PPP1R12C: variants seen among roughly 807,000 people sequenced by gnomAD.
PPP1R12C encodes the protein protein phosphatase 1 regulatory subunit 12C, also known as leukocyte receptor cluster (LRC) encoded novel gene 3.
In PPP1R12C, 48 loss-of-function variants were observed where a neutral mutation model predicts 95.6. The observed-to-expected ratio is 0.50, with a 90% CI of 0.40 to 0.64. The LOEUF is 0.64. Among genes scored for constraint, PPP1R12C ranks in the 30% least tolerant of loss-of-function variants. PPP1R12C has a pLI of 0.00. For missense variants in PPP1R12C, 1,057 were observed against 1,083.3 expected (o/e 0.98, Z 0.34); for synonymous variants, 480 against 460.8 (o/e 1.04, Z -0.53).
rs1348833301 is a variant in PPP1R12C at position 55,113,055 on chromosome 19, GA to G, written c.322-261del. The stretch of plus-strand genomic sequence containing the variant: ...GCAAACAGGAAGTGAACGGGGAAGG[GA>G]GGGGGCTTCTCATCTGGGTGCGGGA... On this transcript the variant is annotated intron_variant, in intron 1 of 21. Coordinates refer to ENST00000263433, the MANE Select transcript of PPP1R12C (RefSeq NM_017607.4). The G allele has an allele frequency of 6.9e-6, 4 of 575,930 alleles. No individual in the cohort carries two copies. In the East Asian group the frequency reaches 8.5e-5, roughly 12 times the overall value. 35.7% of individuals were successfully genotyped at this position (575,930 alleles called of 1,614,324 possible). A position where few individuals can be genotyped will look rare whatever the true frequency, so the allele number is the denominator to read the frequency against.
At chr19:55,099,185 A>G in intron 4 of PPP1R12C, 90 bp from the exon 5 acceptor site, 2 of 1,391,706 alleles carry the variant, frequency 1.4e-6, no homozygotes, top group Non-Finnish European at 1.9e-6. Flanking sequence ...ACGAGGTCCC[A>G]GGCCACGAGA....
At chr19:55,101,473 C>T (rs145950952) in intron 4 of PPP1R12C, among the ~76,000 whole-genome samples, 254 of 152,286 alleles carry the variant, frequency 1.7e-3, no homozygotes, top group African/African-American at 5.9e-3. Flanking sequence ...TTCCTTGCAG[C>T]GAGGAGCGGT....
In PPP1R12C at chr19:55,103,586, A is replaced by G; in HGVS notation, c.572-18T>C. On this transcript the variant is annotated intron_variant, in intron 3 of 21. Coordinates refer to ENST00000263433, the MANE Select transcript of PPP1R12C (RefSeq NM_017607.4). ...ATCCACACCTAGGAGGATAAGAGGC[A>G]CGAGGTAGGACTCACACCCCATGAC... 6.5e-7 allele frequency: 1 copy of G among 1,542,882 alleles called. No homozygotes were observed. The highest frequency in any genetic ancestry group is 8.8e-7 in the Non-Finnish European group (1 of 1,132,992).
chr19:55,104,213 CAT>C lies in PPP1R12C; in HGVS notation c.572-647_572-646del, dbSNP rs57104390. On this transcript the variant is annotated intron_variant, in intron 3 of 21. Coordinates refer to ENST00000263433, the MANE Select transcript of PPP1R12C (RefSeq NM_017607.4). ...ATATATATATATACACACACACACA[CAT>C]ACAAAAATATAAATATAAAAAATAT... is the stretch of plus-strand genomic sequence containing the variant. 2.5e-3 allele frequency among the ~76,000 whole-genome samples: 337 copies of C among 133,236 alleles called. 1 individual carries two copies. The Middle Eastern group carries it at 0.032, about 13-fold the overall frequency. The allele number at this position is 133,236 out of a possible 152,430, so 87.4% of individuals were successfully genotyped here.
At chr19:55,116,862 C>CGAGG (rs1166486455) in intron 1 of PPP1R12C, among the ~76,000 whole-genome samples, 1 of 151,832 alleles carries the variant, frequency 6.6e-6, no homozygotes, top group Non-Finnish European at 1.5e-5. Context: ...GAGGGGAAGT[C>CGAGG]GAGGGAGGGA....
chr19:55,106,905 G>A (rs916710586), intron 3 of PPP1R12C, among the ~76,000 whole-genome samples: 18 of 152,268 alleles, frequency 1.2e-4, no homozygotes, highest in African/African-American at 3.4e-4. Flanking sequence ...TGAGCATCAC[G>A]CACAGGGCAA....
intron 4 of PPP1R12C, among the ~76,000 whole-genome samples, chr19:55,099,693 C>A (rs2147192016): frequency 6.6e-6 from 1 of 152,314 alleles, no homozygotes; most frequent in South Asian, 2.1e-4. Flanking sequence ...AGCAGCCCCA[C>A]AAGGAGAGGG....
At chr19:55,101,581 T>C (rs1051375711) in intron 4 of PPP1R12C, among the ~76,000 whole-genome samples, 3 of 152,284 alleles carry the variant, frequency 2.0e-5, no homozygotes, top group Admixed American at 6.5e-5. Flanking sequence ...CTTTGCCCCC[T>C]CTCTCTTCCT....
chr19:55,103,599 C>T, intron 3 of PPP1R12C, 31 bp from the exon 4 acceptor site: 1 of 1,519,192 alleles, frequency 6.6e-7, no homozygotes, highest in Non-Finnish European at 8.9e-7. Context: ...AGGTAGGACT[C>T]ACACCCCATG....
Position 55,117,357 on chromosome 19 carries a change from C to G in PPP1R12C, c.187G>C (p.Asp63His). The change falls in exon 1 of 22, where the codon GAC becomes CAC. Residue 63 changes from aspartate (D) to histidine (H), a missense_variant. Physicochemically the swap from Asp to His is moderately conservative, Grantham distance 81. This residue lies in a region of PPP1R12C where 282 missense variants were observed against 380.4 expected (regional missense o/e 0.74). Coordinates refer to ENST00000263433, the MANE Select transcript of PPP1R12C (RefSeq NM_017607.4). ...AEFLAACAGG[D>H]LDEARLMLRA... ...AGCATCAGACGCGCCTCGTCCAGGT[C>G]GCCGCCCGCACAGGCCGCCAGGAAC... 3 of 1,127,944 alleles carry G rather than the reference C, an allele frequency of 2.7e-6. No individual in the cohort carries two copies. The highest frequency in any genetic ancestry group is 3.3e-6 in the Non-Finnish European group (3 of 922,454). The allele number at this position is 1,127,944 out of a possible 1,614,324, so 69.9% of individuals were successfully genotyped here.
rs1602964454 is a variant in PPP1R12C at position 55,091,070 on chromosome 19, T to C, written c.*402A>G. Reference sequence around the variant, plus strand: ...GACCCTATATACAGGCCCACCTGGCTGAGGCTGGCGGGACTCTTGGCACAT... The same window carrying C: ...GACCCTATATACAGGCCCACCTGGCCGAGGCTGGCGGGACTCTTGGCACAT... On this transcript the variant is annotated 3_prime_UTR_variant, in exon 22 of 22. Transcript: ENST00000263433. The C allele has an allele frequency of 2.3e-5, 6 of 263,868 alleles. No homozygotes were observed. In the East Asian group the frequency reaches 6.1e-4, roughly 27 times the overall value. The allele number at this position is 263,868 out of a possible 1,614,324, so 16.3% of individuals were successfully genotyped here. A position where few individuals can be genotyped will look rare whatever the true frequency, so the allele number is the denominator to read the frequency against.
Position 55,091,310 on chromosome 19 carries a change from G to C in PPP1R12C, c.*162C>G. 1.3e-6 allele frequency: 1 copy of C among 759,136 alleles called. No individual in the cohort carries two copies. Among genetic ancestry groups the C allele is most frequent in the Non-Finnish European group, 2.1e-6 (1 of 479,992 alleles). The allele number at this position is 759,136 out of a possible 1,614,324, so 47.0% of individuals were successfully genotyped here. On this transcript the variant is annotated 3_prime_UTR_variant, in exon 22 of 22. Coordinates refer to ENST00000263433, the MANE Select transcript of PPP1R12C (RefSeq NM_017607.4). ...CATCCTGGCCTCGGGTGGCCCCCTC[G>C]GCTCCTGGGGACTCTGCTCCCCTCC...
At chr19:55,093,255 C>G (rs1265787083) in intron 13 of PPP1R12C, 22 bp from the exon 14 acceptor site, 1 of 1,607,344 alleles carries the variant, frequency 6.2e-7, no homozygotes, top group East Asian at 2.2e-5. Flanking sequence ...AGGGGACAGT[C>G]AGGGGACGCT....
intron 3 of PPP1R12C, 66 bp downstream of exon 3, chr19:55,112,401 C>G: frequency 6.9e-7 from 1 of 1,446,738 alleles, no homozygotes; most frequent in African/African-American, 1.4e-5. Context: ...GCCTCTAAAG[C>G]TCTCAGCCTG....
chr19:55,109,778 C>T lies in PPP1R12C; in HGVS notation c.571+2689G>A, dbSNP rs756808515. 5.9e-5 allele frequency among the ~76,000 whole-genome samples: 9 copies of T among 152,352 alleles called. No individual in the cohort carries two copies. Among genetic ancestry groups the T allele is most frequent in the Middle Eastern group, 6.8e-3 (2 of 294 alleles). On this transcript the variant is annotated intron_variant, in intron 3 of 21. Transcript: ENST00000263433. This position sits in a 1 kb window ranked among gnomAD's most constrained non-coding sequence, Gnocchi z 4.4. ...GCAGGGGGTGCAAAAGACCCGCCCTCCTTAGAGCTGGGGTGCAGCCTGTGA... is the reference window on the plus strand; with the variant it reads ...GCAGGGGGTGCAAAAGACCCGCCCTTCTTAGAGCTGGGGTGCAGCCTGTGA...
rs1414877984 is a variant in PPP1R12C, at chr19:55,092,447, T to A, written c.2050A>T (p.Arg684Trp). The A allele has an allele frequency of 6.2e-7, 1 of 1,607,700 alleles. No individual in the cohort carries two copies. Among genetic ancestry groups the A allele is most frequent in the East Asian group, 2.2e-5 (1 of 44,594 alleles). ...PESEEPDGGF[R>W]TLYAELRREN... is the part of the protein sequence containing the mutation. ...ACGGAGGGGTGGGATCGCACCGTCC[T>A]AAAGCCTCCGTCTGGCTCTTCCGAT... The change falls in exon 18 of 22, where the codon AGG becomes TGG. Residue 684 changes from arginine to tryptophan, a missense_variant. Coordinates refer to ENST00000263433, the MANE Select transcript of PPP1R12C (RefSeq NM_017607.4).
chr19:55,117,309 C>G lies in PPP1R12C; in HGVS notation c.235G>C (p.Gly79Arg). ...LMLRAADPGP[G>R]AELDPAAPPP... ...GGCGCGGCGGGGTCGAGCTCGGCGCCGGGGCCAGGGTCGGCGGCGCGCAGC... is the reference window on the plus strand; with the variant it reads ...GGCGCGGCGGGGTCGAGCTCGGCGCGGGGGCCAGGGTCGGCGGCGCGCAGC... The change falls in exon 1 of 22, where the codon GGC becomes CGC. Residue 79 changes from glycine to arginine, a missense_variant. This residue lies in a region of PPP1R12C where 282 missense variants were observed against 380.4 expected (regional missense o/e 0.74). Transcript: ENST00000263433. 1 of 1,200,042 alleles carries G rather than the reference C, an allele frequency of 8.3e-7. No homozygotes were observed. Among genetic ancestry groups the G allele is most frequent in the Non-Finnish European group, 1.0e-6 (1 of 968,858 alleles). The allele number at this position is 1,200,042 out of a possible 1,614,324, so 74.3% of individuals were successfully genotyped here.
chr19:55,092,644 C>T lies in PPP1R12C; in HGVS notation c.1930G>A (p.Ala644Thr). Residue 644 changes from alanine to threonine, a missense_variant, in exon 17 of 22, where the codon GCT becomes ACT. Physicochemically the swap from Ala to Thr is moderately conservative, Grantham distance 58. Transcript: ENST00000263433. ...GPAEGEEAEP[A>T]DRSQESSTLE... is the part of the protein sequence containing the mutation. ...TACCTGGACTCCTGGCTGCGGTCAG[C>T]CGGCTCCGCCTCCTCCCCCTGTGGG... 6.5e-7 allele frequency: 1 copy of T among 1,532,822 alleles called. No individual in the cohort carries two copies. The highest frequency in any genetic ancestry group is 8.8e-7 in the Non-Finnish European group (1 of 1,142,628). The allele number at this position is 1,532,822 out of a possible 1,614,324, so 95.0% of individuals were successfully genotyped here.
In PPP1R12C at chr19:55,096,180, TGTTG is replaced by T; in HGVS notation, c.1026-6_1026-3del. On this transcript the variant is annotated splice_polypyrimidine_tract_variant and splice_region_variant and intron_variant, in intron 7 of 21. Coordinates refer to ENST00000263433, the MANE Select transcript of PPP1R12C (RefSeq NM_017607.4). ...CTGCTCAGACGACACACAGAGCTCCTGTTGGGGAAGGAGAGGGTGCTGGGGTACA... is the reference window on the plus strand; with the variant it reads ...CTGCTCAGACGACACACAGAGCTCCTGGGAAGGAGAGGGTGCTGGGGTACA... The T allele has an allele frequency of 6.2e-7, 1 of 1,607,676 alleles. No individual in the cohort carries two copies. The highest frequency in any genetic ancestry group is 8.5e-7 in the Non-Finnish European group (1 of 1,176,010).
Sources: allele counts gnomAD v4.1 joint callset (sites outside exome capture counted in the v4.1 genomes callset), GRCh38; gene constraint gnomAD v4.1.1; regional missense constraint gnomAD v4.1.1; non-coding constraint Gnocchi (gnomAD v3.1); transcripts MANE v1.5; gene names NCBI Gene and HGNC (gene_info 2026-07-23, HGNC 2026-07-21).